SCN2A: variants seen among roughly 807,000 people sequenced by gnomAD.
SCN2A encodes sodium voltage-gated channel alpha subunit 2, also known as sodium channel protein type 2 subunit alpha.
Under a neutral mutation model 188.7 loss-of-function variants are expected in SCN2A, and 20 were observed. The ratio of observed to expected loss-of-function variants is 0.11; its 90% CI spans 0.07 to 0.15. The LOEUF (loss-of-function observed/expected upper bound fraction) is 0.15. Among genes scored for constraint, SCN2A ranks in the 10% least tolerant of loss-of-function variants. The probability of loss-of-function intolerance (pLI) is 1.00; values close to 1 mark genes in which losing one functional copy is unlikely to be tolerated. For synonymous variants in SCN2A, 804 were observed against 833.1 expected, an observed-to-expected ratio of 0.97 and a Z score of 0.60; for missense variants, 1,278 against 2,445.0, an observed-to-expected ratio of 0.52 and a Z score of 10.07.
intron 13 of SCN2A, among the ~76,000 whole-genome samples, chr2:165,330,505 A>T (rs1698618661): frequency 3.3e-5 from 5 of 152,108 alleles, no homozygotes. Context: ...TCTTCTTGAC[A>T]TCATTGTACA....
intron 1 of SCN2A, among the ~76,000 whole-genome samples, chr2:165,281,810 C>T (rs1695594802): frequency 6.6e-6 from 1 of 152,114 alleles, no homozygotes; most frequent in South Asian, 2.1e-4. Flanking sequence ...CTAAGAAGGG[C>T]CCCACACATG....
intron 1 of SCN2A, chr2:165,285,907 G>T: frequency 4.5e-6 from 1 of 224,166 alleles, no homozygotes. Flanking sequence ...GAAAGCTAAG[G>T]AACAATGAAT....
At chr2:165,307,961 T>C in intron 4 of SCN2A, 24 bp downstream of exon 4, 1 of 1,444,874 alleles carries the variant, frequency 6.9e-7, no homozygotes, top group Non-Finnish European at 9.7e-7. Flanking sequence ...TTTTTCAATA[T>C]TGACCTCCCT....
intron 8 of SCN2A, among the ~76,000 whole-genome samples, chr2:165,313,216 GC>G (rs1697538617): frequency 6.6e-6 from 1 of 151,930 alleles, no homozygotes; most frequent in Non-Finnish European, 1.5e-5. Flanking sequence ...CTTGCAGCAT[GC>G]CCCACCTATC....
chr2:165,349,119 A>G (rs1020306978), intron 16 of SCN2A, among the ~76,000 whole-genome samples: 1 of 152,206 alleles, frequency 6.6e-6, no homozygotes, highest in Admixed American at 6.5e-5. Context: ...CAAAGAAAAG[A>G]TAATATAATT....
chr2:165,269,544 A>C (rs1431269025), intron 1 of SCN2A: 2 of 152,058 alleles, frequency 1.3e-5, no homozygotes, highest in African/African-American at 4.8e-5. Flanking sequence ...TTTATTGTGA[A>C]GATTGAATTA....
At chr2:165,290,393 T>C (rs1260585491) in intron 1 of SCN2A, among the ~76,000 whole-genome samples, 1 of 152,182 alleles carries the variant, frequency 6.6e-6, no homozygotes, top group Admixed American at 6.5e-5. Context: ...TTCCATTTTT[T>C]ACTTCTTCCT....
intron 3 of SCN2A, among the ~76,000 whole-genome samples, chr2:165,307,201 A>G (rs1319654116): frequency 6.6e-6 from 1 of 152,108 alleles, no homozygotes; most frequent in Non-Finnish European, 1.5e-5. Context: ...TATTTTAACA[A>G]ATTTGATCTT....
At position 165,344,270 on chromosome 2, in the gene SCN2A, G is replaced by A. The variant is rs1031426689; in HGVS notation, c.2563-285G>A. ...ATGAAAAAAAGAATGCTCTATGGTA[G>A]CAAGTCACTGCTATATTTGTTAGTG... On this transcript the variant is annotated intron_variant, in intron 15 of 26. Coordinates refer to ENST00000375437, the MANE Select transcript of SCN2A (RefSeq NM_001040142.2). 1.6e-4 allele frequency among the ~76,000 whole-genome samples: 25 copies of A among 151,948 alleles called. 1 individual carries two copies. The highest frequency in any genetic ancestry group is 6.6e-4 in the Admixed American group (10 of 15,232).
intron 15 of SCN2A, among the ~76,000 whole-genome samples, chr2:165,343,489 A>C (rs1293941634): frequency 3.3e-5 from 5 of 152,208 alleles, no homozygotes; most frequent in African/African-American, 4.8e-5. Flanking sequence ...CAGTTAAGGG[A>C]AATAGGAAGC....
chr2:165,284,560 C>A (rs1695744230), intron 1 of SCN2A, among the ~76,000 whole-genome samples: 1 of 152,078 alleles, frequency 6.6e-6, no homozygotes, highest in African/African-American at 2.4e-5. Flanking sequence ...TACTGTTCCA[C>A]TGAGGAGTTT....
chr2:165,378,215 G>GAA (rs58765904), intron 23 of SCN2A, among the ~76,000 whole-genome samples: 2 of 133,802 alleles, frequency 1.5e-5, no homozygotes, highest in East Asian at 2.2e-4. Context: ...GTCACATTTT[G>GAA]AAAAAAAAAA....
chr2:165,263,224 T>C (rs1196584588), intron 1 of SCN2A, among the ~76,000 whole-genome samples: 1 of 152,204 alleles, frequency 6.6e-6, no homozygotes, highest in Non-Finnish European at 1.5e-5. Flanking sequence ...TTTATTTTGC[T>C]GGTCAGAAGC....
At chr2:165,321,254 G>T (rs897364060) in intron 11 of SCN2A, among the ~76,000 whole-genome samples, 14 of 152,090 alleles carry the variant, frequency 9.2e-5, no homozygotes, top group African/African-American at 2.2e-4. Context: ...GACCACTTTA[G>T]CCTGGACCTT....
intron 7 of SCN2A, among the ~76,000 whole-genome samples, chr2:165,311,726 T>C (rs917045945): frequency 6.6e-6 from 1 of 152,156 alleles, no homozygotes; most frequent in African/African-American, 2.4e-5. Flanking sequence ...TCTTTCTTAA[T>C]GTATCCCATG....
chr2:165,265,128 C>A (rs1406400860), intron 1 of SCN2A, among the ~76,000 whole-genome samples: 1 of 151,964 alleles, frequency 6.6e-6, no homozygotes, highest in Non-Finnish European at 1.5e-5. Context: ...ACAATCTCTG[C>A]AGTATCTGTT....
intron 8 of SCN2A, 83 bp downstream of exon 8, chr2:165,312,171 A>ACTCACTC: frequency 1.0e-6 from 1 of 976,708 alleles, no homozygotes; most frequent in Non-Finnish European, 1.6e-6. Flanking sequence ...ATCCAGTCCC[A>ACTCACTC]CTCACTCCTC....
chr2:165,359,355 G>T (rs774871948), intron 17 of SCN2A, among the ~76,000 whole-genome samples: 3 of 152,026 alleles, frequency 2.0e-5, no homozygotes, highest in Non-Finnish European at 4.4e-5. Context: ...AAGAGGCAAG[G>T]GTAGTTTCCT....
Position 165,344,475 on chromosome 2 carries a change from T to TA in SCN2A, c.2563-73dup, listed in dbSNP as rs1338850379. 5.7e-6 allele frequency: 5 copies of TA among 884,784 alleles called. No individual in the cohort carries two copies. In the South Asian group the frequency reaches 1.2e-4, roughly 21 times the overall value. 54.8% of individuals were successfully genotyped at this position (884,784 alleles called of 1,614,324 possible). ...AATAAAATAAAATAAAAATAAAAAATAAAAAAATAAAAATAAAATAAAATT... is the reference window on the plus strand; with the variant it reads ...AATAAAATAAAATAAAAATAAAAAATAAAAAAAATAAAAATAAAATAAAATT... On this transcript the variant is annotated intron_variant, in intron 15 of 26. Coordinates refer to ENST00000375437, the MANE Select transcript of SCN2A (RefSeq NM_001040142.2).
Sources: gnomAD v4.1 joint callset for allele counts (sites outside exome capture counted in the v4.1 genomes callset) on GRCh38, gnomAD v4.1.1 for gene constraint, MANE v1.5 for transcripts, NCBI Gene and HGNC (gene_info 2026-07-23, HGNC 2026-07-21) for gene names.